PACSIN2: variants seen among roughly 807,000 people sequenced by gnomAD.
PACSIN2 encodes protein kinase C and casein kinase substrate in neurons protein 2.
PACSIN2 carries 25 observed loss-of-function variants against 63.8 expected under a neutral mutation model. That is an observed-to-expected ratio of 0.39 (90% CI 0.29 to 0.55). The LOEUF (loss-of-function observed/expected upper bound fraction) is 0.55. PACSIN2 is among the 20% of genes least tolerant of loss of function. The probability of loss-of-function intolerance (pLI) is 0.62; values close to 1 mark genes in which losing one functional copy is unlikely to be tolerated. For synonymous variants in PACSIN2, 255 were observed against 256.2 expected, an observed-to-expected ratio of 1.00 and a Z score of 0.05; for missense variants, 518 against 646.9, an observed-to-expected ratio of 0.80 and a Z score of 2.16.
intron 1 of PACSIN2, among the ~76,000 whole-genome samples, chr22:42,955,335 A>G (rs1933871471): frequency 6.6e-6 from 1 of 152,130 alleles, no homozygotes; most frequent in Admixed American, 6.5e-5. Context: ...AAACAAATCA[A>G]CTGATCCAGC....
At chr22:43,011,169 C>T (rs1018575605) in intron 1 of PACSIN2, among the ~76,000 whole-genome samples, 1 of 152,198 alleles carries the variant, frequency 6.6e-6, no homozygotes, top group African/African-American at 2.4e-5. Context: ...TGTGAGGGAT[C>T]AGTGCCCTGG....
intron 1 of PACSIN2, among the ~76,000 whole-genome samples, chr22:42,930,304 G>T (rs1932759158): frequency 6.6e-6 from 1 of 152,156 alleles, no homozygotes; most frequent in South Asian, 2.1e-4. Context: ...TGCTACCTGT[G>T]CTCTCTGCCC....
intron 1 of PACSIN2, among the ~76,000 whole-genome samples, chr22:42,934,364 C>CCTTTTCCCTT (rs1356862611): frequency 2.6e-5 from 4 of 152,234 alleles, no homozygotes. Flanking sequence ...GTGCAGATCG[C>CCTTTTCCCTT]CTTTTCCCTT....
At chr22:42,920,805 T>C (rs1185615922) in intron 1 of PACSIN2, among the ~76,000 whole-genome samples, 1 of 139,104 alleles carries the variant, frequency 7.2e-6, no homozygotes, top group Non-Finnish European at 1.6e-5. Flanking sequence ...TTTTTTTTTT[T>C]TTTTTTTTTT....
chr22:42,954,304 A>T (rs1200490622), intron 1 of PACSIN2, among the ~76,000 whole-genome samples: 1 of 152,170 alleles, frequency 6.6e-6, no homozygotes, highest in Non-Finnish European at 1.5e-5. Context: ...TTGGACAGAG[A>T]GTGGAGAACA....
chr22:42,950,845 G>A (rs1447817903), intron 1 of PACSIN2, among the ~76,000 whole-genome samples: 2 of 152,212 alleles, frequency 1.3e-5, no homozygotes, highest in Non-Finnish European at 2.9e-5. Context: ...GTCCCGGGAT[G>A]GGTAGAAGTG....
chr22:42,918,438 G>C (rs1024054264), intron 1 of PACSIN2, among the ~76,000 whole-genome samples: 5 of 152,172 alleles, frequency 3.3e-5, no homozygotes, highest in African/African-American at 1.2e-4. Context: ...GTACCTCTCA[G>C]CACCAACAGA....
intron 10 of PACSIN2, 77 bp downstream of exon 10, chr22:42,876,060 T>G: frequency 7.5e-7 from 1 of 1,336,082 alleles, no homozygotes. Context: ...TTTTCCAGAC[T>G]TAAAAAACAA....
At chr22:42,926,844 TAA>T (rs111701176) in intron 1 of PACSIN2, among the ~76,000 whole-genome samples, 47 of 143,490 alleles carry the variant, frequency 3.3e-4, no homozygotes, top group African/African-American at 1.2e-3. Context: ...CCCTATCTCT[TAA>T]AAAAAAAAAA....
intron 4 of PACSIN2, among the ~76,000 whole-genome samples, chr22:42,890,121 C>A (rs1167989231): frequency 1.3e-5 from 2 of 151,748 alleles, no homozygotes; most frequent in African/African-American, 4.8e-5. Flanking sequence ...CCTCCCTCAG[C>A]CTCCTGAGTA....
intron 1 of PACSIN2, among the ~76,000 whole-genome samples, chr22:42,973,850 G>C (rs1921498586): frequency 6.6e-6 from 1 of 152,248 alleles, no homozygotes; most frequent in Non-Finnish European, 1.5e-5. Context: ...TATGCTAAAA[G>C]AGGAAAAGAG....
rs1928137249 is a variant in PACSIN2, at chr22:42,871,598, GC to G, written c.1349-130del. The G allele has an allele frequency of 4.1e-6, 3 of 731,400 alleles. No homozygotes were observed. Among genetic ancestry groups the G allele is most frequent in the Non-Finnish European group, 7.3e-6 (3 of 411,920 alleles). 45.3% of individuals were successfully genotyped at this position (731,400 alleles called of 1,614,324 possible). A position where few individuals can be genotyped will look rare whatever the true frequency, so the allele number is the denominator to read the frequency against. Reference sequence around the variant, plus strand: ...GCATTCTGTGGCGGGCAGGCCGAGGGCCTGGTCATTTCTCTACTAAATGCAT... The same window carrying G: ...GCATTCTGTGGCGGGCAGGCCGAGGGCTGGTCATTTCTCTACTAAATGCAT... On this transcript the variant is annotated intron_variant, in intron 10 of 10. Transcript: ENST00000263246. This position sits in a 1 kb window ranked among gnomAD's most constrained non-coding sequence, Gnocchi z 5.4.
At chr22:42,966,653 T>C (rs1920960672) in intron 1 of PACSIN2, among the ~76,000 whole-genome samples, 1 of 152,162 alleles carries the variant, frequency 6.6e-6, no homozygotes, top group South Asian at 2.1e-4. Context: ...AGAGGGAACA[T>C]GTTAATTTTT....
At chr22:42,880,049 T>A (rs568014216) in intron 7 of PACSIN2, among the ~76,000 whole-genome samples, 1 of 152,008 alleles carries the variant, frequency 6.6e-6, no homozygotes, top group Non-Finnish European at 1.5e-5. Context: ...TCTAGAAGAG[T>A]CTGTGCATGC....
chr22:42,884,907 G>C (rs1929362085), intron 5 of PACSIN2, among the ~76,000 whole-genome samples: 1 of 152,250 alleles, frequency 6.6e-6, no homozygotes. Flanking sequence ...TCAAGCCTCA[G>C]ATCTGGCCCA....
chr22:43,003,883 T>C (rs1923926243), intron 1 of PACSIN2, among the ~76,000 whole-genome samples: 1 of 152,078 alleles, frequency 6.6e-6, no homozygotes, highest in Admixed American at 6.6e-5. Flanking sequence ...TACCAGCGAG[T>C]CACCCACGGC....
chr22:42,953,866 G>GA (rs1933804099), intron 1 of PACSIN2, among the ~76,000 whole-genome samples: 1 of 152,104 alleles, frequency 6.6e-6, no homozygotes, highest in Admixed American at 6.6e-5. Flanking sequence ...GACACTGGAG[G>GA]AAAAAAGAGA....
chr22:42,968,620 T>C lies in PACSIN2; in HGVS notation c.-78+46401A>G, dbSNP rs145199703. Among the ~76,000 whole-genome samples, 19 of 152,298 alleles carry C rather than the reference T, an allele frequency of 1.2e-4. No homozygotes were observed. In the East Asian group the frequency reaches 3.5e-3, roughly 28 times the overall value. ...TTTTGGGGTGTGTCCATGGGGCTGT[T>C]TCCAGAAGAGACTAGCACATTAGTG... On this transcript the variant is annotated intron_variant, in intron 1 of 10. Coordinates refer to ENST00000263246, the MANE Select transcript of PACSIN2 (RefSeq NM_001184970.3).
chr22:42,929,402 G>T (rs1932729212), intron 1 of PACSIN2, among the ~76,000 whole-genome samples: 1 of 152,196 alleles, frequency 6.6e-6, no homozygotes, highest in Admixed American at 6.5e-5. Context: ...CTGACTCTGG[G>T]TCCCAGGACT....
Sources: allele counts gnomAD v4.1 joint callset (sites outside exome capture counted in the v4.1 genomes callset), GRCh38; gene constraint gnomAD v4.1.1; non-coding constraint Gnocchi (gnomAD v3.1); transcripts MANE v1.5; gene names NCBI Gene and HGNC (gene_info 2026-07-23, HGNC 2026-07-21).